CTH: variants seen among roughly 807,000 people sequenced by gnomAD.
CTH encodes cystathionase (cystathionine gamma-lyase).
A neutral mutation model predicts 50.6 loss-of-function variants in CTH; 41 were observed. The observed-to-expected ratio is 0.81, with a 90% CI of 0.63 to 1.05. The LOEUF is 1.05. CTH is among the 50% of genes least tolerant of loss of function. The pLI, the probability that CTH is intolerant of heterozygous loss-of-function variation, is 0.00. For missense variants in CTH, 470 were observed against 492.6 expected (o/e 0.95, Z 0.43); for synonymous variants, 156 against 168.9 (o/e 0.92, Z 0.59).
chr1:70,435,125 C>G lies in CTH; in HGVS notation c.1000C>G (p.Leu334Val), dbSNP rs1684570468. The G allele has an allele frequency of 1.2e-6, 2 of 1,611,786 alleles. No homozygotes were observed. The highest frequency in any genetic ancestry group is 1.3e-5 in the African/African-American group (1 of 74,822). ...HAEIFLKNLK[L>V]FTLAESLGGF... ...TAAATTCATGTTTTCTTTGCTATAG[C>G]TATTTACTCTGGCCGAGAGCTTGGG... Residue 334 changes from leucine (L) to valine (V), a missense_variant and splice_region_variant, in exon 10 of 12, where the codon CTA (leucine) becomes GTA (valine). Physicochemically the swap from Leu to Val is conservative, Grantham distance 32 (BLOSUM62 1). Coordinates refer to ENST00000370938, the MANE Select transcript of CTH (RefSeq NM_001902.6).
Position 70,439,132 on chromosome 1 carries a change from C to G in CTH, c.*5C>G. The G allele has an allele frequency of 6.2e-7, 1 of 1,610,734 alleles. No homozygotes were observed. The highest frequency in any genetic ancestry group is 8.5e-7 in the Non-Finnish European group (1 of 1,176,970). The stretch of plus-strand genomic sequence containing the variant: ...CCAAGTGGAAGTCACAGCTAGTATT[C>G]CAGAGCTGCTATTAGAAGCTGCTTC... On this transcript the variant is annotated 3_prime_UTR_variant, in exon 12 of 12. Coordinates refer to ENST00000370938, the MANE Select transcript of CTH (RefSeq NM_001902.6).
intron 8 of CTH, among the ~76,000 whole-genome samples, chr1:70,432,670 T>TTC (rs779619263): frequency 7.0e-6 from 1 of 143,252 alleles, no homozygotes. Flanking sequence ...TCCCCTGAGG[T>TTC]TCTCTCTCTC....
intron 3 of CTH, among the ~76,000 whole-genome samples, chr1:70,418,321 C>T (rs544671463): frequency 2.0e-5 from 3 of 152,284 alleles, no homozygotes; most frequent in African/African-American, 7.2e-5. Context: ...ACGATCTCAG[C>T]TCACTGCAGT....
intron 5 of CTH, among the ~76,000 whole-genome samples, chr1:70,428,679 A>ATTC (rs1557469467): frequency 1.2e-3 from 189 of 151,840 alleles, no homozygotes; most frequent in African/African-American, 4.3e-3. Context: ...GTGTCATGAA[A>ATTC]AGCTCACTGC....
intron 2 of CTH, 70 bp downstream of exon 2, chr1:70,416,107 A>C: frequency 1.1e-6 from 1 of 937,070 alleles, no homozygotes; most frequent in South Asian, 1.3e-5. Flanking sequence ...GAGGCACAGA[A>C]TGTGGAACTG....
At chr1:70,435,060 T>A in intron 9 of CTH, 65 bp from the exon 10 acceptor site, 1 of 1,474,668 alleles carries the variant, frequency 6.8e-7, no homozygotes, top group East Asian at 2.6e-5. Context: ...CTAAAAACAT[T>A]TATTTTTAGA....
chr1:70,419,055 A>G (rs560997144), intron 3 of CTH, among the ~76,000 whole-genome samples: 1 of 135,862 alleles, frequency 7.4e-6, no homozygotes, highest in African/African-American at 2.8e-5. Flanking sequence ...ATTCCCACCT[A>G]TGAGTAAGAA....
intron 7 of CTH, 123 bp downstream of exon 7, chr1:70,430,517 G>A: frequency 1.6e-6 from 1 of 606,506 alleles, no homozygotes; most frequent in South Asian, 2.1e-5. Context: ...GAAAAATAGA[G>A]GAGAAAAATT....
intron 3 of CTH, among the ~76,000 whole-genome samples, chr1:70,419,980 C>T (rs1056334679): frequency 4.6e-5 from 7 of 151,648 alleles, no homozygotes; most frequent in Non-Finnish European, 7.4e-5. Flanking sequence ...CTTTTTGGCA[C>T]CAGGGACCGG....
intron 1 of CTH, among the ~76,000 whole-genome samples, chr1:70,412,612 G>T (rs1490997152): frequency 6.6e-6 from 1 of 152,100 alleles, no homozygotes; most frequent in Non-Finnish European, 1.5e-5. Flanking sequence ...AACAACAACA[G>T]AAAAAGAGAA....
chr1:70,432,035 T>G, intron 7 of CTH, 48 bp from the exon 8 acceptor site: 1 of 1,605,946 alleles, frequency 6.2e-7, no homozygotes, highest in Admixed American at 1.7e-5. Context: ...GATAATTTCT[T>G]GGCCATACCC....
At chr1:70,420,241 C>T (rs973846270) in intron 3 of CTH, among the ~76,000 whole-genome samples, 9 of 152,168 alleles carry the variant, frequency 5.9e-5, no homozygotes, top group African/African-American at 2.2e-4. Context: ...ATCCACCTGC[C>T]TCGGCCTCCC....
chr1:70,431,389 G>A (rs919031413), intron 7 of CTH, among the ~76,000 whole-genome samples: 36 of 151,420 alleles, frequency 2.4e-4, no homozygotes, highest in Non-Finnish European at 3.4e-4. Context: ...TTTATATCAC[G>A]AATGATGGTT....
chr1:70,436,815 TAATGA>T (rs1225940461), intron 10 of CTH, among the ~76,000 whole-genome samples: 2 of 152,258 alleles, frequency 1.3e-5, no homozygotes, highest in Admixed American at 1.3e-4. Context: ...TTTTTCACAG[TAATGA>T]AATGTGTATT....
At chr1:70,421,514 T>A in intron 3 of CTH, 52 bp from the exon 4 acceptor site, 1 of 1,564,612 alleles carries the variant, frequency 6.4e-7, no homozygotes, top group Non-Finnish European at 8.8e-7. Flanking sequence ...AAGGAATGAA[T>A]GTTTCTTAAT....
intron 7 of CTH, chr1:70,431,194 A>T (rs772505453): frequency 2.6e-5 from 4 of 152,108 alleles, no homozygotes; most frequent in Non-Finnish European, 4.4e-5. Flanking sequence ...CAAAAAACAA[A>T]AACGGTTATA....
At chr1:70,423,189 T>C (rs1176696497) in intron 4 of CTH, among the ~76,000 whole-genome samples, 1 of 152,100 alleles carries the variant, frequency 6.6e-6, no homozygotes, top group Non-Finnish European at 1.5e-5. Flanking sequence ...AGAATATGTA[T>C]TATTTAACCA....
intron 9 of CTH, 131 bp from the exon 10 acceptor site, chr1:70,434,994 G>C: frequency 2.9e-6 from 2 of 695,684 alleles, no homozygotes; most frequent in Non-Finnish European, 4.5e-6. Flanking sequence ...TCGGTGATCC[G>C]CCTGACTTGG....
chr1:70,417,872 T>C, intron 2 of CTH, 65 bp from the exon 3 acceptor site: 1 of 1,569,346 alleles, frequency 6.4e-7, no homozygotes, highest in Non-Finnish European at 8.8e-7. Context: ...AGGTAAATAC[T>C]TGGAGGTGTG....
Sources: allele counts gnomAD v4.1 joint callset (sites outside exome capture counted in the v4.1 genomes callset), GRCh38; gene constraint gnomAD v4.1.1; transcripts MANE v1.5; gene names NCBI Gene and HGNC (gene_info 2026-07-23, HGNC 2026-07-21).